Variants in TENT4B observed in about 807,000 individuals in gnomAD.
The protein encoded by TENT4B is PAP associated domain containing 5.
Under a neutral mutation model 75.0 loss-of-function variants are expected in TENT4B, and 10 were observed. That is an observed-to-expected ratio of 0.13 (90% CI 0.08 to 0.23). The LOEUF (loss-of-function observed/expected upper bound fraction) is 0.23, where lower values mean the gene tolerates loss of function less well. Ranked by LOEUF, TENT4B falls within the 10% of genes least tolerant of loss-of-function variation. The probability of loss-of-function intolerance (pLI) is 1.00; values close to 1 mark genes in which losing one functional copy is unlikely to be tolerated. For missense variants in TENT4B, 579 were observed against 893.8 expected, an observed-to-expected ratio of 0.65 and a Z score of 4.49; for synonymous variants, 350 against 357.7, an observed-to-expected ratio of 0.98 and a Z score of 0.24.
At chr16:50,168,615 T>TC (rs1340836525) in intron 1 of TENT4B, among the ~76,000 whole-genome samples, 1 of 146,712 alleles carries the variant, frequency 6.8e-6, no homozygotes, top group Non-Finnish European at 1.5e-5. Flanking sequence ...TGCCTGGACC[T>TC]CCCACATTAT....
chr16:50,154,426 A>C (rs1307457770), intron 1 of TENT4B, among the ~76,000 whole-genome samples, 167 bp downstream of exon 1: 1 of 148,480 alleles, frequency 6.7e-6, no homozygotes, highest in African/African-American at 2.5e-5. Context: ...CCAGTCGTTC[A>C]CACCTTTCCC....
Position 50,154,126 on chromosome 16 carries a change from A to T in TENT4B, c.505A>T (p.Thr169Ser). 6.5e-7 allele frequency: 1 copy of T among 1,529,366 alleles called. No homozygotes were observed. Among genetic ancestry groups the T allele is most frequent in the Non-Finnish European group, 8.7e-7 (1 of 1,144,310 alleles). The allele number at this position is 1,529,366 out of a possible 1,614,324, so 94.7% of individuals were successfully genotyped here. ...NKRKRDNKASTYGLNYSLLQP... is the reference protein window; with the variant it reads ...NKRKRDNKASSYGLNYSLLQP... ...GAGGAAGCGCGACAACAAGGCCAGC[A>T]CGTATGGACTCAACTACAGCCTGCT... Residue 169 changes from threonine (T) to serine (S), a missense_variant, in exon 1 of 12, where the codon ACG becomes TCG. By Grantham distance (58) the Thr-to-Ser change is moderately conservative (BLOSUM62 1). Around this residue, in one of 7 missense-constraint regions of TENT4B, gnomAD observed 253 missense variants for 270.1 expected, o/e 0.94. Coordinates refer to ENST00000561678, the MANE Select transcript of TENT4B (RefSeq NM_001365324.3).
At chr16:50,195,014 G>A (rs1393326817) in intron 1 of TENT4B, among the ~76,000 whole-genome samples, 1 of 152,090 alleles carries the variant, frequency 6.6e-6, no homozygotes, top group Admixed American at 6.5e-5. Flanking sequence ...CTCCCAAAGT[G>A]CTGGGATTAC....
chr16:50,223,858 G>T (rs2031931695), intron 7 of TENT4B, among the ~76,000 whole-genome samples: 1 of 152,168 alleles, frequency 6.6e-6, no homozygotes, highest in South Asian at 2.1e-4. Flanking sequence ...GTTTGATTTT[G>T]CATGTCTCTT....
intron 1 of TENT4B, among the ~76,000 whole-genome samples, chr16:50,202,895 C>T (rs897698234): frequency 1.3e-5 from 2 of 152,178 alleles, no homozygotes; most frequent in African/African-American, 2.4e-5. Context: ...AACTGAAAAA[C>T]CATCCTTCTG....
At chr16:50,224,869 C>G (rs1434766756) in intron 8 of TENT4B, 22 bp from the exon 9 acceptor site, 1 of 1,612,090 alleles carries the variant, frequency 6.2e-7, no homozygotes, top group Non-Finnish European at 8.5e-7. Flanking sequence ...CTCCCTCTCC[C>G]TTTCTTTTTA....
intron 1 of TENT4B, among the ~76,000 whole-genome samples, chr16:50,194,123 A>G (rs554205633): frequency 6.7e-6 from 1 of 150,244 alleles, no homozygotes; most frequent in East Asian, 2.0e-4. Context: ...TTCCTATTTC[A>G]TTTTGATTAT....
At chr16:50,177,004 T>C (rs559301769) in intron 1 of TENT4B, among the ~76,000 whole-genome samples, 1 of 151,478 alleles carries the variant, frequency 6.6e-6, no homozygotes, top group Non-Finnish European at 1.5e-5. Flanking sequence ...TGAGGTAATA[T>C]CTATTTTTTT....
At chr16:50,206,354 A>ATTTTTT (rs35118426) in intron 1 of TENT4B, among the ~76,000 whole-genome samples, 1 of 96,542 alleles carries the variant, frequency 1.0e-5, no homozygotes, top group African/African-American at 3.9e-5. Context: ...ATATGTATGT[A>ATTTTTT]TTTTTTTTTT....
Position 50,163,573 on chromosome 16 carries a change from G to A in TENT4B, c.638+9314G>A, listed in dbSNP as rs915694804. Among the ~76,000 whole-genome samples, 5 of 151,350 alleles carry A rather than the reference G, an allele frequency of 3.3e-5. No individual in the cohort carries two copies. In the Middle Eastern group the frequency reaches 0.01, roughly 311 times the overall value. ...CGCCACCACACCCGGCTTATTTTTT[G>A]TATTTTTAGTAGAGACGGGGTTTCA... is the stretch of plus-strand genomic sequence containing the variant. On this transcript the variant is annotated intron_variant, in intron 1 of 11. Coordinates refer to ENST00000561678, the MANE Select transcript of TENT4B (RefSeq NM_001365324.3).
intron 1 of TENT4B, among the ~76,000 whole-genome samples, chr16:50,169,508 ATATT>A (rs2038167197): frequency 6.8e-6 from 1 of 146,136 alleles, no homozygotes; most frequent in African/African-American, 2.5e-5. Context: ...ATTACTGCCT[ATATT>A]TATTAATTCA....
intron 2 of TENT4B, among the ~76,000 whole-genome samples, chr16:50,212,625 A>G (rs2031342952): frequency 6.6e-6 from 1 of 152,162 alleles, no homozygotes; most frequent in Admixed American, 6.6e-5. Context: ...GGGAAAAGGC[A>G]AGGGTACTAA....
At chr16:50,180,160 A>G (rs771460374) in intron 1 of TENT4B, among the ~76,000 whole-genome samples, 15 of 151,360 alleles carry the variant, frequency 9.9e-5, no homozygotes, top group African/African-American at 2.4e-4. Context: ...CTGGAGTGCA[A>G]TGGTGCGATC....
intron 1 of TENT4B, among the ~76,000 whole-genome samples, chr16:50,196,813 T>A (rs2030289396): frequency 6.6e-6 from 1 of 151,486 alleles, no homozygotes; most frequent in Non-Finnish European, 1.5e-5. Context: ...GGCATGCAGC[T>A]GTAGTCCCAG....
At chr16:50,210,967 A>G (rs968333762) in intron 1 of TENT4B, among the ~76,000 whole-genome samples, 5 of 152,190 alleles carry the variant, frequency 3.3e-5, no homozygotes, top group African/African-American at 1.2e-4. Context: ...TCCCCAAGAG[A>G]TAAGAGGGTC....
In TENT4B at chr16:50,230,701, AC is replaced by A; in HGVS notation, c.*1374del. 1.0e-6 allele frequency: 1 copy of A among 985,600 alleles called. No individual in the cohort carries two copies. 61.1% of individuals were successfully genotyped at this position (985,600 alleles called of 1,614,324 possible). A position where few individuals can be genotyped will look rare whatever the true frequency, so the allele number is the denominator to read the frequency against. On this transcript the variant is annotated 3_prime_UTR_variant, in exon 12 of 12. Transcript: ENST00000561678. ...TTAAACATTGGCTTGTTTCAATCATACTGTAAATTTTGGTTGTAGTCAGCTT... is the reference window on the plus strand; with the variant it reads ...TTAAACATTGGCTTGTTTCAATCATATGTAAATTTTGGTTGTAGTCAGCTT...
chr16:50,178,235 C>A (rs2038346897), intron 1 of TENT4B, among the ~76,000 whole-genome samples: 1 of 148,034 alleles, frequency 6.8e-6, no homozygotes, highest in Non-Finnish European at 1.5e-5. Flanking sequence ...GTGGGAGGAT[C>A]ACTTGAGGTC....
intron 1 of TENT4B, among the ~76,000 whole-genome samples, chr16:50,189,282 C>A (rs1348712139): frequency 4.6e-5 from 7 of 152,098 alleles, no homozygotes; most frequent in Non-Finnish European, 2.9e-5. Flanking sequence ...ACCTTGTCTT[C>A]TCACTGTTAA....
Position 50,154,054 on chromosome 16 carries a change from G to A in TENT4B, c.433G>A (p.Val145Ile). ...CTCGTCCCCGCACCCTTCGGCCGCC[G>A]TCCCCGCCGCCGATCCAGCCGATTC... Reference protein sequence around the residue: ...ASSSPHPSAAVPAADPADSAS... With the variant: ...ASSSPHPSAAIPAADPADSAS... The change falls in exon 1 of 12, where the codon GTC becomes ATC. Residue 145 changes from valine to isoleucine, a missense_variant. Physicochemically the swap from Val to Ile is conservative, Grantham distance 29. Transcript: ENST00000561678. The A allele has an allele frequency of 6.5e-7, 1 of 1,530,666 alleles. No individual in the cohort carries two copies. Among genetic ancestry groups the A allele is most frequent in the East Asian group, 2.5e-5 (1 of 40,654 alleles). 94.8% of individuals were successfully genotyped at this position (1,530,666 alleles called of 1,614,324 possible).
Sources: gnomAD v4.1 joint callset for allele counts (sites outside exome capture counted in the v4.1 genomes callset) on GRCh38, gnomAD v4.1.1 for gene constraint, gnomAD v4.1.1 regional missense constraint, MANE v1.5 for transcripts, NCBI Gene and HGNC (gene_info 2026-07-23, HGNC 2026-07-21) for gene names.